EAF2: variants seen among roughly 807,000 people sequenced by gnomAD.
EAF2 encodes ELL-associated factor 2.
A neutral mutation model predicts 29.4 loss-of-function variants in EAF2; 29 were observed. That is an observed-to-expected ratio of 0.99 (90% confidence interval 0.73 to 1.35). EAF2 has a LOEUF of 1.35. Among genes scored for constraint, EAF2 ranks in the 40% most tolerant of loss-of-function variants. EAF2 has a pLI of 0.00. For synonymous variants in EAF2, 103 were observed against 102.5 expected (o/e 1.00, Z -0.03); for missense variants, 292 against 312.0 (o/e 0.94, Z 0.48).
At chr3:121,852,833 A>C (rs1267860453) in intron 2 of EAF2, among the ~76,000 whole-genome samples, 1 of 152,238 alleles carries the variant, frequency 6.6e-6, no homozygotes, top group Non-Finnish European at 1.5e-5. Flanking sequence ...ATGTACTTTT[A>C]TAAACTCCAA....
intron 4 of EAF2, among the ~76,000 whole-genome samples, chr3:121,868,951 G>T (rs1180362018): frequency 1.3e-5 from 2 of 152,148 alleles, no homozygotes; most frequent in Admixed American, 1.3e-4. Flanking sequence ...TATTTACTAA[G>T]ATAGACCATA....
chr3:121,865,752 C>A (rs948838520), intron 4 of EAF2, among the ~76,000 whole-genome samples: 2 of 152,154 alleles, frequency 1.3e-5, no homozygotes, highest in Non-Finnish European at 2.9e-5. Flanking sequence ...GGAGTACCAA[C>A]AAATAGGATG....
chr3:121,870,008 T>C (rs189502937), intron 4 of EAF2, among the ~76,000 whole-genome samples: 2 of 152,296 alleles, frequency 1.3e-5, no homozygotes, highest in East Asian at 1.9e-4. Flanking sequence ...AGTAAGCAAC[T>C]TGAATAGTGC....
chr3:121,840,121 C>T (rs1396011986), intron 1 of EAF2, among the ~76,000 whole-genome samples: 5 of 133,108 alleles, frequency 3.8e-5, no homozygotes, highest in East Asian at 2.4e-4. Context: ...ACCGAAGAGG[C>T]GGAGGTTGCG....
chr3:121,849,481 A>G (rs77117759), intron 2 of EAF2, among the ~76,000 whole-genome samples: 2 of 152,118 alleles, frequency 1.3e-5, no homozygotes, highest in Non-Finnish European at 2.9e-5. Context: ...AAGACTTGTC[A>G]TTGGTGCTGA....
At chr3:121,854,591 A>G in intron 2 of EAF2, 96 bp from the exon 3 acceptor site, 2 of 1,039,128 alleles carry the variant, frequency 1.9e-6, no homozygotes, top group Non-Finnish European at 1.3e-6. Flanking sequence ...TTGAAGTATA[A>G]CATAGAAGGA....
At chr3:121,865,206 T>C (rs1708902682) in intron 4 of EAF2, among the ~76,000 whole-genome samples, 1 of 152,058 alleles carries the variant, frequency 6.6e-6, no homozygotes, top group Non-Finnish European at 1.5e-5. Flanking sequence ...CCCAGGAGTT[T>C]GAGAACAGCC....
In EAF2 at chr3:121,866,689, C is replaced by T. The variant is rs567317253; in HGVS notation, c.485-5848C>T. 1.8e-4 allele frequency among the ~76,000 whole-genome samples: 27 copies of T among 151,608 alleles called. No individual in the cohort carries two copies. In the South Asian group the frequency reaches 3.1e-3, roughly 18 times the overall value. Reference sequence around the variant, plus strand: ...GCAGTGAGCCAAGATAGTGCCACTGCGCTCCAGCCTGGGCAACAGAGCAAA... The same window carrying T: ...GCAGTGAGCCAAGATAGTGCCACTGTGCTCCAGCCTGGGCAACAGAGCAAA... On this transcript the variant is annotated intron_variant, in intron 4 of 5. Transcript: ENST00000273668.
At chr3:121,844,120 GTT>G (rs893464320) in intron 1 of EAF2, among the ~76,000 whole-genome samples, 3 of 152,100 alleles carry the variant, frequency 2.0e-5, no homozygotes, top group African/African-American at 7.2e-5. Context: ...ACCTATATCA[GTT>G]TTTTAGCAAG....
At chr3:121,872,900 T>C in intron 5 of EAF2, 112 bp downstream of exon 5, 1 of 1,374,624 alleles carries the variant, frequency 7.3e-7, no homozygotes, top group Non-Finnish European at 9.8e-7. Context: ...ATGCATTTGA[T>C]ACTATTAATA....
intron 1 of EAF2, among the ~76,000 whole-genome samples, chr3:121,836,012 G>T (rs1708270340): frequency 6.6e-6 from 1 of 152,006 alleles, no homozygotes; most frequent in South Asian, 2.1e-4. Context: ...TCTACCCTTT[G>T]GTTTTCTTTA....
chr3:121,861,188 A>C (rs373063042), intron 4 of EAF2, among the ~76,000 whole-genome samples: 1 of 151,738 alleles, frequency 6.6e-6, no homozygotes, highest in East Asian at 1.9e-4. Context: ...TATTAGGTCC[A>C]CTTGGTGCAG....
intron 4 of EAF2, among the ~76,000 whole-genome samples, chr3:121,871,013 T>G (rs1178063912): frequency 1.3e-5 from 2 of 152,030 alleles, no homozygotes; most frequent in Non-Finnish European, 2.9e-5. Flanking sequence ...CTATTGTGAC[T>G]TGGCAATTTC....
rs79248625 is a variant in EAF2 at position 121,838,180 on chromosome 3, G to C, written c.106+2789G>C. ...AGGTATTAAATACAAAGTAGAAAAT[G>C]GTTTTCTACTCTTCATGCAATATAA... On this transcript the variant is annotated intron_variant, in intron 1 of 5. Transcript: ENST00000273668. Among the ~76,000 whole-genome samples, 885 of 152,114 alleles carry C rather than the reference G, an allele frequency of 5.8e-3. 17 individuals carry two copies. The highest frequency in any genetic ancestry group is 0.021 in the African/African-American group (851 of 41,472).
At chr3:121,861,146 G>A (rs1023985065) in intron 4 of EAF2, among the ~76,000 whole-genome samples, 3 of 152,190 alleles carry the variant, frequency 2.0e-5, no homozygotes, top group African/African-American at 4.8e-5. Flanking sequence ...TGTATATTCT[G>A]TTGATTTGGG....
At chr3:121,853,286 G>A (rs61567016) in intron 2 of EAF2, among the ~76,000 whole-genome samples, 1 of 152,006 alleles carries the variant, frequency 6.6e-6, no homozygotes, top group South Asian at 2.1e-4. Flanking sequence ...TCTCAAAAAC[G>A]TGTTTTTTAC....
chr3:121,836,487 A>C (rs1401758998), intron 1 of EAF2, among the ~76,000 whole-genome samples: 2 of 152,246 alleles, frequency 1.3e-5, no homozygotes, highest in Admixed American at 1.3e-4. Context: ...ATGAAGAACC[A>C]CTGGTTTTAA....
intron 4 of EAF2, among the ~76,000 whole-genome samples, chr3:121,860,778 G>A (rs1406577507): frequency 6.6e-6 from 1 of 152,114 alleles, no homozygotes; most frequent in Non-Finnish European, 1.5e-5. Flanking sequence ...GTCGATTTTA[G>A]ATCTTTCCTG....
At chr3:121,845,519 G>A (rs1021747345) in intron 2 of EAF2, among the ~76,000 whole-genome samples, 3 of 150,730 alleles carry the variant, frequency 2.0e-5, no homozygotes, top group Non-Finnish European at 4.4e-5. Context: ...TAGAAAAGTA[G>A]GTCAAGATGA....
Sources: gnomAD v4.1 joint callset for allele counts (sites outside exome capture counted in the v4.1 genomes callset) on GRCh38, gnomAD v4.1.1 for gene constraint, MANE v1.5 for transcripts, NCBI Gene and HGNC (gene_info 2026-07-23, HGNC 2026-07-21) for gene names.